TRAP1: variants seen among roughly 807,000 people sequenced by gnomAD.
TRAP1 encodes heat shock protein 75 kDa, mitochondrial.
TRAP1 carries 102 observed loss-of-function variants against 89.1 expected under a neutral mutation model. The observed-to-expected ratio is 1.15, with a 90% CI of 0.98 to 1.35. The LOEUF (loss-of-function observed/expected upper bound fraction) is 1.35. TRAP1 is among the 40% of genes most tolerant of loss of function. The pLI, the probability that TRAP1 is intolerant of heterozygous loss-of-function variation, is 0.00. For synonymous variants in TRAP1, 508 were observed against 388.0 expected, an observed-to-expected ratio of 1.31 and a Z score of -3.64; for missense variants, 1,256 against 945.3, an observed-to-expected ratio of 1.33 and a Z score of -4.31.
chr16:3,671,877 G>A (rs998736090), intron 10 of TRAP1, 86 bp from the exon 11 acceptor site: 64 of 1,431,430 alleles, frequency 4.5e-5, no homozygotes, highest in Non-Finnish European at 6.0e-5. Flanking sequence ...TTTGTCTTCA[G>A]GCCTGGCCTT....
At chr16:3,701,928 C>G (rs111501522) in intron 1 of TRAP1, among the ~76,000 whole-genome samples, 2,554 of 152,162 alleles carry the variant, frequency 0.017, 69 homozygotes, top group African/African-American at 0.059. Context: ...AAATATGAGG[C>G]TGCCCGGCAC....
rs547402838 is a variant in TRAP1, at chr16:3,715,566, G to A, written c.88+1855C>T. Among the ~76,000 whole-genome samples the A allele has an allele frequency of 2.0e-5, 3 of 152,286 alleles. No homozygotes were observed. In the South Asian group the frequency reaches 6.2e-4, roughly 32 times the overall value. ...GCATGAATCACAAACACCTGTGGACGCGAGACCACAAACGACAAAGAGAAA... is the reference window on the plus strand; with the variant it reads ...GCATGAATCACAAACACCTGTGGACACGAGACCACAAACGACAAAGAGAAA... On this transcript the variant is annotated intron_variant, in intron 1 of 17. Coordinates refer to ENST00000246957, the MANE Select transcript of TRAP1 (RefSeq NM_016292.3).
chr16:3,662,651 A>G (rs1314758331), intron 15 of TRAP1: 1 of 681,930 alleles, frequency 1.5e-6, no homozygotes, highest in Admixed American at 2.0e-5. Context: ...TTCAGTTCTC[A>G]GTTCACACCT....
At chr16:3,708,685 G>A (rs539506572) in intron 1 of TRAP1, among the ~76,000 whole-genome samples, 19 of 151,922 alleles carry the variant, frequency 1.3e-4, no homozygotes, top group Middle Eastern at 3.4e-3. Context: ...GCATGGTGGC[G>A]CGTGCCTGTA....
intron 11 of TRAP1, among the ~76,000 whole-genome samples, chr16:3,668,084 C>T (rs989066658): frequency 2.0e-5 from 3 of 152,062 alleles, no homozygotes; most frequent in East Asian, 1.9e-4. Flanking sequence ...CCTGCCACCA[C>T]GACTGGCTAA....
At chr16:3,706,721 G>A (rs1206825485) in intron 1 of TRAP1, among the ~76,000 whole-genome samples, 2 of 152,018 alleles carry the variant, frequency 1.3e-5, no homozygotes, top group Non-Finnish European at 2.9e-5. Flanking sequence ...TTGGCCTCCT[G>A]AAGTGCTGCA....
In TRAP1 at chr16:3,671,734, C is replaced by A. The variant is rs1174925567; in HGVS notation, c.1223G>T (p.Ser408Ile). The A allele has an allele frequency of 6.2e-7, 1 of 1,613,082 alleles. No homozygotes were observed. The highest frequency in any genetic ancestry group is 2.2e-5 in the East Asian group (1 of 44,884). ...GCCCGAGGCTCACCTGATGAGTGCG[C>A]TCTCCTGCAGCAGCTCCCGGCTGAG... is the stretch of plus-strand genomic sequence containing the variant. The part of the protein sequence containing the change: ...LNLSRELLQE[S>I]ALIRKLRDVL... The change falls in exon 11 of 18, where the codon AGC becomes ATC. Residue 408 changes from serine (S) to isoleucine (I), a missense_variant. Physicochemically the swap from Ser to Ile is moderately radical, Grantham distance 142. Transcript: ENST00000246957.
chr16:3,671,679 C>T (rs746767688), intron 11 of TRAP1, 43 bp downstream of exon 11: 2 of 1,599,028 alleles, frequency 1.3e-6, no homozygotes, highest in Non-Finnish European at 8.5e-7. Flanking sequence ...CAGGTAGGGG[C>T]CTTGTCCCCA....
intron 1 of TRAP1, among the ~76,000 whole-genome samples, chr16:3,705,552 C>T (rs2051430704): frequency 6.6e-6 from 1 of 152,162 alleles, no homozygotes; most frequent in Non-Finnish European, 1.5e-5. Flanking sequence ...GCTTCTTTGA[C>T]TTAGCATAAA....
At chr16:3,688,955 A>T in intron 3 of TRAP1, 100 bp downstream of exon 3, 1 of 1,094,580 alleles carries the variant, frequency 9.1e-7, no homozygotes, top group Non-Finnish European at 1.3e-6. Context: ...ATGCTTTCTC[A>T]CAGCTAATAT....
chr16:3,659,749 T>TTAGATAGATAGA (rs3068078), intron 16 of TRAP1: 39 of 140,356 alleles, frequency 2.8e-4, no homozygotes, highest in Admixed American at 9.4e-4. Context: ...ACTTTTTTTT[T>TTAGATAGATAGA]TAGATAGATA....
chr16:3,705,793 C>A (rs2051434614), intron 1 of TRAP1, among the ~76,000 whole-genome samples: 1 of 152,058 alleles, frequency 6.6e-6, no homozygotes, highest in East Asian at 1.9e-4. Flanking sequence ...GATTCTCCTG[C>A]CTCAGCCTCC....
At chr16:3,680,013 T>G in intron 4 of TRAP1, 1 of 506,352 alleles carries the variant, frequency 2.0e-6, no homozygotes, top group Non-Finnish European at 3.6e-6. Context: ...GCGGATCACT[T>G]GAGGCCAGGA....
At position 3,658,057 on chromosome 16, in the gene TRAP1, A is replaced by G. The variant is rs1254700845; in HGVS notation, c.*72T>C. The G allele has an allele frequency of 1.4e-5, 23 of 1,607,594 alleles. No individual in the cohort carries two copies. Among genetic ancestry groups the G allele is most frequent in the Non-Finnish European group, 1.8e-5 (21 of 1,176,046 alleles). On this transcript the variant is annotated 3_prime_UTR_variant, in exon 18 of 18. Coordinates refer to ENST00000246957, the MANE Select transcript of TRAP1 (RefSeq NM_016292.3). ...CACACTCGGGTTAAGAAATACCTTT[A>G]AATTTAGGTAAATAAAGCTCAAGGA...
chr16:3,677,865 G>T, intron 5 of TRAP1: 1 of 580,416 alleles, frequency 1.7e-6, no homozygotes, highest in East Asian at 3.1e-5. Context: ...GCAGCAGTGG[G>T]ACAAGTGTGT....
At position 3,670,382 on chromosome 16, in the gene TRAP1, C is replaced by CAAAAAAAAAAAAAAAAA. The variant is rs760902038; in HGVS notation, c.1235+1323_1235+1339dup. On this transcript the variant is annotated intron_variant, in intron 11 of 17. Coordinates refer to ENST00000246957, the MANE Select transcript of TRAP1 (RefSeq NM_016292.3). ...TGGGCGACAGAGCAAGACTCCGTCTCAAAAAAAAAAAAAAAAAAAAAAAAA... is the reference window on the plus strand; with the variant it reads ...TGGGCGACAGAGCAAGACTCCGTCTCAAAAAAAAAAAAAAAAAAAAAAAAAAAAAAAAAAAAAAAAAA... Among the ~76,000 whole-genome samples, 52 of 22,842 alleles carry CAAAAAAAAAAAAAAAAA rather than the reference C, an allele frequency of 2.3e-3. 6 individuals carry two copies. Among genetic ancestry groups the CAAAAAAAAAAAAAAAAA allele is most frequent in the African/African-American group, 3.1e-3 (25 of 8,128 alleles). The allele number at this position is 22,842 out of a possible 152,430, so 15.0% of individuals were successfully genotyped here.
Position 3,677,669 on chromosome 16 carries a change from G to C in TRAP1, c.544-11C>G, listed in dbSNP as rs368211369. 3 of 1,611,690 alleles carry C rather than the reference G, an allele frequency of 1.9e-6. No individual in the cohort carries two copies. Among genetic ancestry groups the C allele is most frequent in the African/African-American group, 2.7e-5 (2 of 74,966 alleles). On this transcript the variant is annotated splice_polypyrimidine_tract_variant and intron_variant, in intron 5 of 17. Coordinates refer to ENST00000246957, the MANE Select transcript of TRAP1 (RefSeq NM_016292.3). The stretch of plus-strand genomic sequence containing the variant: ...AGCATCCAGGAAGGCCTGTGGGGCA[G>C]AGGCCAGTTAGTGAGGCAGCCTCCC...
chr16:3,674,280 G>C (rs2050955954), intron 9 of TRAP1, 59 bp downstream of exon 9: 22 of 1,593,198 alleles, frequency 1.4e-5, no homozygotes, highest in Non-Finnish European at 1.8e-5. Context: ...CTGCAGAGCT[G>C]ATGCCACAGG....
In TRAP1 at chr16:3,658,188, G is replaced by GGTCGTCAACAAGTCCA. The variant is rs1696985358; in HGVS notation, c.2040_2055dup (p.Pro686TrpfsTer4). Reference sequence around the variant, plus strand: ...TTCAAGCGGCCCACCATGGCCCTAGGGTCGTCAACAAGTCCAGCAGCAATC... The same window carrying GGTCGTCAACAAGTCCA: ...TTCAAGCGGCCCACCATGGCCCTAGGGTCGTCAACAAGTCCAGTCGTCAACAAGTCCAGCAGCAATC... On this transcript the variant is annotated stop_gained and frameshift_variant, in exon 18 of 18. Coordinates refer to ENST00000246957, the MANE Select transcript of TRAP1 (RefSeq NM_016292.3). LOFTEE classifies it high-confidence loss of function. The GGTCGTCAACAAGTCCA allele has an allele frequency of 1.9e-6, 3 of 1,613,984 alleles. No individual in the cohort carries two copies. The East Asian group carries it at 6.7e-5, about 36-fold the overall frequency.
Sources: allele counts gnomAD v4.1 joint callset (sites outside exome capture counted in the v4.1 genomes callset), GRCh38; gene constraint gnomAD v4.1.1; transcripts MANE v1.5; gene names NCBI Gene and HGNC (gene_info 2026-07-23, HGNC 2026-07-21).